PRKN: variants seen among roughly 807,000 people sequenced by gnomAD.
The protein encoded by PRKN is parkin RBR E3 ubiquitin protein ligase.
In PRKN, 56 loss-of-function variants were observed where a neutral mutation model predicts 59.5. The observed-to-expected ratio is 0.94, with a 90% CI of 0.76 to 1.18. The LOEUF (loss-of-function observed/expected upper bound fraction) is 1.18. Ranked by LOEUF, PRKN falls within the 50% of genes most tolerant of loss-of-function variation. The probability of loss-of-function intolerance (pLI) is 0.00; values close to 1 mark genes in which losing one functional copy is unlikely to be tolerated. For synonymous variants in PRKN, 250 were observed against 222.1 expected (o/e 1.13, Z -1.12); for missense variants, 657 against 596.4 (o/e 1.10, Z -1.06).
intron 10 of PRKN, among the ~76,000 whole-genome samples, chr6:161,365,429 C>T (rs1313699865): frequency 6.6e-6 from 1 of 151,978 alleles, no homozygotes; most frequent in Non-Finnish European, 1.5e-5. Context: ...TTCAACTGGG[C>T]GAATACAATG....
chr6:161,480,175 T>G lies in PRKN; in HGVS notation c.1083+68679A>C, dbSNP rs1458105601. ...GGAGTATTTATTATCACTGCAGCGT[T>G]TCCTATCTGATCATGACTATATAAT... On this transcript the variant is annotated intron_variant, in intron 9 of 11. Coordinates refer to ENST00000366898, the MANE Select transcript of PRKN (RefSeq NM_004562.3). The surrounding 1 kb of genome is among the most constrained non-coding windows in gnomAD (Gnocchi z 4.1). Among the ~76,000 whole-genome samples, 1 of 152,218 alleles carries G rather than the reference T, an allele frequency of 6.6e-6. No individual in the cohort carries two copies.
chr6:162,591,785 A>G (rs1781316969), intron 1 of PRKN, among the ~76,000 whole-genome samples: 2 of 152,158 alleles, frequency 1.3e-5, no homozygotes, highest in African/African-American at 4.8e-5. Flanking sequence ...CAAGTGTGAA[A>G]TAAGTAAGTA....
At chr6:162,253,053 T>C (rs1343989494) in intron 3 of PRKN, among the ~76,000 whole-genome samples, 1 of 152,218 alleles carries the variant, frequency 6.6e-6, no homozygotes, top group Non-Finnish European at 1.5e-5. Context: ...CGTGTGCTAT[T>C]CTGGTGGCCA....
chr6:162,288,051 A>C (rs911765619), intron 2 of PRKN, among the ~76,000 whole-genome samples: 6 of 152,104 alleles, frequency 3.9e-5, no homozygotes, highest in African/African-American at 1.2e-4. Context: ...TCATGATTAG[A>C]ATCATGCTCA....
intron 4 of PRKN, among the ~76,000 whole-genome samples, chr6:162,187,175 C>T (rs898014700): frequency 6.6e-6 from 1 of 152,078 alleles, no homozygotes; most frequent in Non-Finnish European, 1.5e-5. Context: ...AAGGAGACTC[C>T]AACAGAGAAA....
chr6:162,693,291 C>T lies in PRKN; in HGVS notation c.7+34371G>A, dbSNP rs960115818. Among the ~76,000 whole-genome samples, 11 of 152,220 alleles carry T rather than the reference C, an allele frequency of 7.2e-5. No individual in the cohort carries two copies. In the East Asian group the frequency reaches 2.1e-3, roughly 29 times the overall value. ...TCTTGTCCCATCTATCACCTCACAA[C>T]ATTGGCCACTAATGCTGCATCCTCA... On this transcript the variant is annotated intron_variant, in intron 1 of 11. Coordinates refer to ENST00000366898, the MANE Select transcript of PRKN (RefSeq NM_004562.3).
At position 161,487,694 on chromosome 6, in the gene PRKN, C is replaced by T. The variant is rs940559562; in HGVS notation, c.1083+61160G>A. On this transcript the variant is annotated intron_variant, in intron 9 of 11. Transcript: ENST00000366898. The surrounding 1 kb of genome is among the most constrained non-coding windows in gnomAD (Gnocchi z 5.3). ...TTCATGTAGGAGGTAGGGGTTGTGC[C>T]TTCTTTTCCATTCATTCAGAAAAAG... Among the ~76,000 whole-genome samples, 2 of 152,042 alleles carry T rather than the reference C, an allele frequency of 1.3e-5. No homozygotes were observed. Among genetic ancestry groups the T allele is most frequent in the African/African-American group, 4.8e-5 (2 of 41,384 alleles).
At chr6:162,215,972 C>T (rs1052788514) in intron 3 of PRKN, among the ~76,000 whole-genome samples, 6 of 151,766 alleles carry the variant, frequency 4.0e-5, no homozygotes, top group African/African-American at 1.5e-4. Flanking sequence ...GAACCGGGAC[C>T]CGGGAGGCAG....
rs565529778 is a variant in PRKN at position 162,668,790 on chromosome 6, G to A, written c.7+58872C>T. ...GAAGTATCTAATAGGTAGGCCCAGG[G>A]ACATAAAGTAGGAACAGGAAGGACA... is the stretch of plus-strand genomic sequence containing the variant. On this transcript the variant is annotated intron_variant, in intron 1 of 11. Coordinates refer to ENST00000366898, the MANE Select transcript of PRKN (RefSeq NM_004562.3). 1.3e-5 allele frequency among the ~76,000 whole-genome samples: 2 copies of A among 152,250 alleles called. 1 individual carries two copies. Among genetic ancestry groups the A allele is most frequent in the South Asian group, 4.1e-4 (2 of 4,824 alleles).
intron 2 of PRKN, among the ~76,000 whole-genome samples, chr6:162,322,657 G>A (rs1473327849): frequency 3.3e-5 from 5 of 152,052 alleles, no homozygotes; most frequent in Non-Finnish European, 5.9e-5. Flanking sequence ...TTTTGACCAA[G>A]TATCAAAGGC....
At chr6:162,467,371 TG>T (rs753622433) in intron 1 of PRKN, among the ~76,000 whole-genome samples, 10 of 152,130 alleles carry the variant, frequency 6.6e-5, no homozygotes, top group Admixed American at 2.6e-4. Flanking sequence ...GCACTTATCA[TG>T]CGCTCTCCTA....
intron 5 of PRKN, among the ~76,000 whole-genome samples, chr6:162,007,275 A>G (rs1479681820): frequency 6.6e-6 from 1 of 152,130 alleles, no homozygotes; most frequent in Non-Finnish European, 1.5e-5. Context: ...TAGAAATTTG[A>G]CTATATGACG....
chr6:161,757,886 T>TATACACAC (rs1416363617), intron 7 of PRKN, among the ~76,000 whole-genome samples: 1 of 116,234 alleles, frequency 8.6e-6, no homozygotes, highest in African/African-American at 3.6e-5. Context: ...TATATATATA[T>TATACACAC]ACACACACAC....
At chr6:162,658,714 GA>G (rs1255222717) in intron 1 of PRKN, among the ~76,000 whole-genome samples, 41 of 132,532 alleles carry the variant, frequency 3.1e-4, no homozygotes, top group East Asian at 8.8e-4. Flanking sequence ...GAAAACAAAA[GA>G]AAAAAAAAAG....
chr6:162,490,861 CA>C (rs1792777855), intron 1 of PRKN, among the ~76,000 whole-genome samples: 1 of 152,152 alleles, frequency 6.6e-6, no homozygotes, highest in South Asian at 2.1e-4. Flanking sequence ...GGGCCAGGTG[CA>C]GTGGCTCATG....
chr6:162,143,635 C>T (rs948495504), intron 4 of PRKN, among the ~76,000 whole-genome samples: 1 of 152,272 alleles, frequency 6.6e-6, no homozygotes, highest in Non-Finnish European at 1.5e-5. Flanking sequence ...AAACAAGATA[C>T]ATTTGAAGAA....
At chr6:162,235,701 G>A (rs927197941) in intron 3 of PRKN, among the ~76,000 whole-genome samples, 1 of 151,894 alleles carries the variant, frequency 6.6e-6, no homozygotes, top group Non-Finnish European at 1.5e-5. Context: ...TACTCGGAAG[G>A]CTGAGGCAGG....
At position 162,010,873 on chromosome 6, in the gene PRKN, A is replaced by AATATATAATATTAATATATAT. The variant is rs1782586363; in HGVS notation, c.619-37457_619-37456insATATATATTAATATTATATAT. On this transcript the variant is annotated intron_variant, in intron 5 of 11. Coordinates refer to ENST00000366898, the MANE Select transcript of PRKN (RefSeq NM_004562.3). ...ATATTAATATATATAATATATTATA[A>AATATATAATATTAATATATAT]AATATATTATATAATATATTATATA... Among the ~76,000 whole-genome samples the AATATATAATATTAATATATAT allele has an allele frequency of 9.6e-3, 57 of 5,928 alleles. 20 individuals carry two copies. The highest frequency in any genetic ancestry group is 0.25 in the Middle Eastern group (1 of 4). The allele number at this position is 5,928 out of a possible 152,430, so 3.9% of individuals were successfully genotyped here.
At chr6:162,224,652 A>C (rs1050406829) in intron 3 of PRKN, among the ~76,000 whole-genome samples, 2 of 152,184 alleles carry the variant, frequency 1.3e-5, no homozygotes, top group African/African-American at 4.8e-5. Flanking sequence ...GAGAGGCTGC[A>C]GGCCTTCTGG....
Sources: allele counts gnomAD v4.1 joint callset (sites outside exome capture counted in the v4.1 genomes callset), GRCh38; gene constraint gnomAD v4.1.1; non-coding constraint Gnocchi (gnomAD v3.1); transcripts MANE v1.5; gene names NCBI Gene and HGNC (gene_info 2026-07-23, HGNC 2026-07-21).